Variants in ZFAND3 observed in about 807,000 individuals in gnomAD.
ZFAND3 encodes zinc finger AN1-type containing 3, also known as AN1-type zinc finger protein 3.
ZFAND3 carries 10 observed loss-of-function variants against 29.6 expected under a neutral mutation model. The ratio of observed to expected loss-of-function variants is 0.34; its 90% CI spans 0.21 to 0.57. The LOEUF (loss-of-function observed/expected upper bound fraction) is 0.57, where lower values mean the gene tolerates loss of function less well. Among genes scored for constraint, ZFAND3 ranks in the 20% least tolerant of loss-of-function variants. The probability of loss-of-function intolerance (pLI) is 0.86; values close to 1 mark genes in which losing one functional copy is unlikely to be tolerated. For missense variants in ZFAND3, 230 were observed against 304.5 expected (o/e 0.76, Z 1.82); for synonymous variants, 128 against 112.6 (o/e 1.14, Z -0.87).
At chr6:37,905,694 A>G (rs1271571208) in intron 1 of ZFAND3, among the ~76,000 whole-genome samples, 2 of 152,074 alleles carry the variant, frequency 1.3e-5, no homozygotes, top group Non-Finnish European at 2.9e-5. Flanking sequence ...TCCCTTTTAT[A>G]TTTGAGTTAA....
intron 2 of ZFAND3, among the ~76,000 whole-genome samples, chr6:38,054,706 C>T (rs1173466777): frequency 4.6e-5 from 7 of 152,156 alleles, no homozygotes; most frequent in African/African-American, 1.7e-4. Context: ...CAATAGCTCA[C>T]AAGTCCACAT....
At chr6:38,108,320 T>C (rs1765247471) in intron 4 of ZFAND3, among the ~76,000 whole-genome samples, 1 of 152,144 alleles carries the variant, frequency 6.6e-6, no homozygotes, top group Non-Finnish European at 1.5e-5. Context: ...TATATATTTA[T>C]AAAAAGGAGT....
chr6:37,856,208 G>A (rs1054047727), intron 1 of ZFAND3, among the ~76,000 whole-genome samples: 12 of 151,704 alleles, frequency 7.9e-5, no homozygotes, highest in African/African-American at 2.7e-4. Flanking sequence ...TTGCCCGGCC[G>A]GTCTCAAACT....
At position 38,009,434 on chromosome 6, in the gene ZFAND3, G is replaced by GT. The variant is rs1283466879; in HGVS notation, c.113-52156dup. On this transcript the variant is annotated intron_variant, in intron 2 of 5. Transcript: ENST00000287218. Reference sequence around the variant, plus strand: ...AATATCAGGTTAGAAGAGAGCCAGTGTTTATTTCCCACCCTGCAGTCTTCA... The same window carrying GT: ...AATATCAGGTTAGAAGAGAGCCAGTGTTTTATTTCCCACCCTGCAGTCTTCA... Among the ~76,000 whole-genome samples, 7 of 152,302 alleles carry GT rather than the reference G, an allele frequency of 4.6e-5. No individual in the cohort carries two copies. In the South Asian group the frequency reaches 1.2e-3, roughly 27 times the overall value.
chr6:38,004,534 T>TACACAC lies in ZFAND3; in HGVS notation c.113-57036_113-57031dup, dbSNP rs56068930. Among the ~76,000 whole-genome samples, 872 of 147,452 alleles carry TACACAC rather than the reference T, an allele frequency of 5.9e-3. 13 individuals carry two copies. The highest frequency in any genetic ancestry group is 0.016 in the African/African-American group (641 of 39,780). ...CACACTTGGAAGTGCTAAAGCTGTC[T>TACACAC]ACACACACACACACACACACACACA... On this transcript the variant is annotated intron_variant, in intron 2 of 5. Transcript: ENST00000287218.
intron 1 of ZFAND3, among the ~76,000 whole-genome samples, chr6:37,924,147 A>C (rs115140946): frequency 0.022 from 3,388 of 152,268 alleles, 85 homozygotes; most frequent in African/African-American, 0.063. Flanking sequence ...TGAGTGACAG[A>C]TCATGGCCAG....
At chr6:37,978,447 A>AT (rs1213167237) in intron 2 of ZFAND3, among the ~76,000 whole-genome samples, 3 of 152,166 alleles carry the variant, frequency 2.0e-5, no homozygotes, top group African/African-American at 7.2e-5. Flanking sequence ...AACTCATAGA[A>AT]TGAGTTGGAA....
intron 3 of ZFAND3, among the ~76,000 whole-genome samples, chr6:38,065,084 C>T (rs185547868): frequency 3.4e-4 from 52 of 152,216 alleles, no homozygotes; most frequent in South Asian, 6.2e-4. Flanking sequence ...TTTGGGAGGC[C>T]GATGCGAGCA....
chr6:37,955,431 A>T (rs554860406), intron 2 of ZFAND3, among the ~76,000 whole-genome samples: 1 of 152,290 alleles, frequency 6.6e-6, no homozygotes, highest in Non-Finnish European at 1.5e-5. Context: ...GTCAGTTTAC[A>T]TTGGCCTTTA....
chr6:37,923,731 G>T (rs1761428349), intron 1 of ZFAND3, among the ~76,000 whole-genome samples: 1 of 152,164 alleles, frequency 6.6e-6, no homozygotes, highest in South Asian at 2.1e-4. Flanking sequence ...GTGACAGGAA[G>T]TTTTTGGCTG....
chr6:37,932,296 T>C (rs1485109965), intron 2 of ZFAND3, among the ~76,000 whole-genome samples: 1 of 152,088 alleles, frequency 6.6e-6, no homozygotes, highest in Non-Finnish European at 1.5e-5. Flanking sequence ...AGGACTGTAT[T>C]CTGCTGCTTA....
intron 4 of ZFAND3, among the ~76,000 whole-genome samples, chr6:38,095,457 T>G (rs1472890709): frequency 2.6e-5 from 4 of 152,192 alleles, no homozygotes; most frequent in Non-Finnish European, 5.9e-5. Context: ...GTATTTGGTT[T>G]TACGTCACCA....
rs70981523 is a variant in ZFAND3, at chr6:38,120,320, C to CTTTTTTTTTTTT, written c.529+3600_529+3611dup. Among the ~76,000 whole-genome samples, 155 of 60,724 alleles carry CTTTTTTTTTTTT rather than the reference C, an allele frequency of 2.6e-3. 29 individuals are homozygous for CTTTTTTTTTTTT. The highest frequency in any genetic ancestry group is 3.3e-3 in the Non-Finnish European group (105 of 31,822). The allele number at this position is 60,724 out of a possible 152,430, so 39.8% of individuals were successfully genotyped here. A position where few individuals can be genotyped will look rare whatever the true frequency, so the allele number is the denominator to read the frequency against. Reference sequence around the variant, plus strand: ...TGATTGATACACGTAGCTTGGCTTCCTTTTTTTTTTTTTTTTTTTTTTTTT... The same window carrying CTTTTTTTTTTTT: ...TGATTGATACACGTAGCTTGGCTTCCTTTTTTTTTTTTTTTTTTTTTTTTTTTTTTTTTTTTT... On this transcript the variant is annotated intron_variant, in intron 5 of 5. Transcript: ENST00000287218.
intron 4 of ZFAND3, among the ~76,000 whole-genome samples, chr6:38,111,142 C>G (rs1324850431): frequency 6.6e-6 from 1 of 152,186 alleles, no homozygotes; most frequent in Non-Finnish European, 1.5e-5. Context: ...AGTCTTAACA[C>G]TACTTTCTGA....
At chr6:37,980,582 A>G (rs1762562745) in intron 2 of ZFAND3, among the ~76,000 whole-genome samples, 1 of 152,154 alleles carries the variant, frequency 6.6e-6, no homozygotes, top group African/African-American at 2.4e-5. Context: ...ATGGGTGAGG[A>G]CAATTCTCTT....
chr6:38,033,484 A>G (rs556973851), intron 2 of ZFAND3, among the ~76,000 whole-genome samples: 4 of 152,236 alleles, frequency 2.6e-5, no homozygotes, highest in African/African-American at 9.6e-5. Context: ...ATTTTAAGAC[A>G]GGGGTTCACA....
At chr6:37,879,237 G>A (rs7747199) in intron 1 of ZFAND3, among the ~76,000 whole-genome samples, 1 of 152,192 alleles carries the variant, frequency 6.6e-6, no homozygotes, top group Non-Finnish European at 1.5e-5. Flanking sequence ...AACTATCTTT[G>A]TATGTGATGG....
intron 1 of ZFAND3, among the ~76,000 whole-genome samples, chr6:37,863,147 A>T (rs1429554321): frequency 6.6e-6 from 1 of 152,186 alleles, no homozygotes; most frequent in East Asian, 1.9e-4. Context: ...CAATAGGAGA[A>T]TGCTCCCACA....
intron 5 of ZFAND3, among the ~76,000 whole-genome samples, chr6:38,149,704 G>C (rs527848705): frequency 1.3e-5 from 2 of 152,130 alleles, no homozygotes; most frequent in Non-Finnish European, 2.9e-5. Flanking sequence ...CATGGAGAAG[G>C]GGGGCCAGAT....
Sources: allele counts gnomAD v4.1 joint callset (sites outside exome capture counted in the v4.1 genomes callset), GRCh38; gene constraint gnomAD v4.1.1; transcripts MANE v1.5; gene names NCBI Gene and HGNC (gene_info 2026-07-23, HGNC 2026-07-21).